The following SMYD4 variants were observed in gnomAD, a reference collection of about 807,000 sequenced individuals.
SMYD4 encodes the protein SET and MYND domain containing 4.
A neutral mutation model predicts 72.8 loss-of-function variants in SMYD4; 68 were observed. That is an observed-to-expected ratio of 0.93 (90% CI 0.77 to 1.14). The LOEUF is 1.14. SMYD4 is among the 50% of genes most tolerant of loss of function. The pLI is 0.00. For synonymous variants in SMYD4, 407 were observed against 388.6 expected, an observed-to-expected ratio of 1.05 and a Z score of -0.56; for missense variants, 984 against 1,003.7, an observed-to-expected ratio of 0.98 and a Z score of 0.27.
chr17:1,815,570 A>T (rs1910548025), intron 2 of SMYD4, among the ~76,000 whole-genome samples: 1 of 143,362 alleles, frequency 7.0e-6, no homozygotes, highest in Admixed American at 7.2e-5. Flanking sequence ...AGGTGGGAGG[A>T]TCGCTTGAGC....
intron 7 of SMYD4, among the ~76,000 whole-genome samples, chr17:1,786,486 T>C (rs1908696710): frequency 6.6e-6 from 1 of 152,212 alleles, no homozygotes; most frequent in Non-Finnish European, 1.5e-5. Context: ...AGTGCTGGGA[T>C]AATAGGCATG....
intron 5 of SMYD4, among the ~76,000 whole-genome samples, chr17:1,796,912 T>C (rs932369457): frequency 6.6e-6 from 1 of 152,180 alleles, no homozygotes; most frequent in African/African-American, 2.4e-5. Context: ...TCAGCAGCTA[T>C]ATTTTAGATG....
chr17:1,781,525 G>GT (rs1908363641), intron 10 of SMYD4, 86 bp from the exon 11 acceptor site: 2 of 1,444,010 alleles, frequency 1.4e-6, no homozygotes, highest in Non-Finnish European at 1.9e-6. Flanking sequence ...CGTGAAGAAT[G>GT]TAAGATCATT....
chr17:1,823,393 C>CAAAAAA (rs57044082), intron 2 of SMYD4, among the ~76,000 whole-genome samples: 3 of 65,586 alleles, frequency 4.6e-5, no homozygotes, highest in African/African-American at 6.1e-5. Context: ...GACTCCGTCT[C>CAAAAAA]AAAAAAAAAA....
rs768522908 is a variant in SMYD4, at chr17:1,827,887, G to A, written c.108C>T (p.Ile36=). ...TISTAETLRD[I]FLHSSSLLQP... is the part of the protein sequence containing the mutation. ...GAAGAAGTGAAGAGGAGTGAAGAAA[G>A]ATATCCCTCAAGGTCTCTGCTGTAG... The change falls in exon 2 of 11, where the codon ATC becomes ATT. Residue 36 remains isoleucine (I), a synonymous_variant. Coordinates refer to ENST00000305513, the MANE Select transcript of SMYD4 (RefSeq NM_052928.3). 6.2e-7 allele frequency: 1 copy of A among 1,609,340 alleles called. No homozygotes were observed. Among genetic ancestry groups the A allele is most frequent in the East Asian group, 2.2e-5 (1 of 44,710 alleles).
intron 4 of SMYD4, among the ~76,000 whole-genome samples, chr17:1,803,298 C>T (rs912086872): frequency 2.6e-5 from 4 of 152,314 alleles, no homozygotes; most frequent in South Asian, 2.1e-4. Flanking sequence ...TTTGCACTCA[C>T]GACACTTAAG....
At position 1,800,018 on chromosome 17, in the gene SMYD4, A is replaced by G; in HGVS notation, c.1376T>C (p.Leu459Ser). The G allele has an allele frequency of 6.2e-7, 1 of 1,614,180 alleles. No individual in the cohort carries two copies. The highest frequency in any genetic ancestry group is 8.5e-7 in the Non-Finnish European group (1 of 1,180,030). The change falls in exon 5 of 11, where the codon TTA becomes TCA. Residue 459 changes from leucine to serine, a missense_variant. Leu to Ser is a moderately radical substitution (Grantham distance 145). Transcript: ENST00000305513. The part of the protein sequence containing the change: ...ALCRQLEAAS[L>S]QAIPTERIVN... ...AATCCTCTCAGTTGGGATGGCCTGT[A>G]AACTGGCTGCTTCTAGCTGTCTGCA...
intron 2 of SMYD4, among the ~76,000 whole-genome samples, chr17:1,821,460 G>A (rs1247329638): frequency 1.3e-5 from 2 of 152,094 alleles, no homozygotes; most frequent in African/African-American, 4.8e-5. Context: ...GCTGCTGTGA[G>A]CCAAGACGGC....
chr17:1,782,848 G>A, intron 10 of SMYD4, 187 bp downstream of exon 10: 1 of 825,314 alleles, frequency 1.2e-6, no homozygotes, highest in Non-Finnish European at 1.7e-6. Context: ...CTCACTGCAA[G>A]CTCCGCCTCC....
In SMYD4 at chr17:1,800,265, TG is replaced by T; in HGVS notation, c.1128del (p.Asn376LysfsTer20). The T allele has an allele frequency of 1.2e-6, 2 of 1,614,194 alleles. No individual in the cohort carries two copies. Among genetic ancestry groups the T allele is most frequent in the Non-Finnish European group, 1.7e-6 (2 of 1,180,040 alleles). On this transcript the variant is annotated frameshift_variant, in exon 5 of 11. Transcript: ENST00000305513. LOFTEE classifies it high-confidence loss of function. ...IITKLCDKIS[N>X]KDICLPESNN... The stretch of plus-strand genomic sequence containing the variant: ...TTGCTTTCAGGTAAACAGATGTCCT[TG>T]TTACTAATCTTATCACAAAGCTTCG...
At chr17:1,783,619 G>C (rs1282881101) in intron 8 of SMYD4, 143 bp from the exon 9 acceptor site, 1 of 1,381,166 alleles carries the variant, frequency 7.2e-7, no homozygotes, top group African/African-American at 1.5e-5. Flanking sequence ...AACGCACAAT[G>C]TCTGTTCCAA....
rs372461281 is a variant in SMYD4 at position 1,781,279 on chromosome 17, T to A, written c.*7A>T. 6.2e-7 allele frequency: 1 copy of A among 1,611,064 alleles called. No homozygotes were observed. The highest frequency in any genetic ancestry group is 8.5e-7 in the Non-Finnish European group (1 of 1,179,512). ...CCTTTTCTGTGGGTCAAAATCCTCC[T>A]GGAACCCTACAATGCAGGCCCTACA... On this transcript the variant is annotated 3_prime_UTR_variant, in exon 11 of 11. Coordinates refer to ENST00000305513, the MANE Select transcript of SMYD4 (RefSeq NM_052928.3).
At chr17:1,793,603 G>C (rs1909176828) in intron 5 of SMYD4, among the ~76,000 whole-genome samples, 2 of 151,998 alleles carry the variant, frequency 1.3e-5, no homozygotes, top group Admixed American at 6.6e-5. Context: ...AAGTTACAGA[G>C]CTAGCCCAGA....
Position 1,823,601 on chromosome 17 carries a change from G to A in SMYD4, c.134+4260C>T, listed in dbSNP as rs141395622. 2.5e-3 allele frequency among the ~76,000 whole-genome samples: 381 copies of A among 152,162 alleles called. 1 individual carries two copies. Among genetic ancestry groups the A allele is most frequent in the Middle Eastern group, 0.01 (3 of 294 alleles). On this transcript the variant is annotated intron_variant, in intron 2 of 10. Coordinates refer to ENST00000305513, the MANE Select transcript of SMYD4 (RefSeq NM_052928.3). ...TCAAGTACCCTTTCTCTCTACTTCCGGTAAATCTCAGTGGGGAATCCATTT... is the reference window on the plus strand; with the variant it reads ...TCAAGTACCCTTTCTCTCTACTTCCAGTAAATCTCAGTGGGGAATCCATTT...
intron 3 of SMYD4, among the ~76,000 whole-genome samples, chr17:1,805,061 G>C (rs1444841325): frequency 6.6e-6 from 1 of 152,132 alleles, no homozygotes; most frequent in Non-Finnish European, 1.5e-5. Flanking sequence ...AACACAAATA[G>C]TTATAGAAAA....
intron 3 of SMYD4, among the ~76,000 whole-genome samples, chr17:1,807,592 A>G (rs1170462315): frequency 6.6e-6 from 1 of 151,616 alleles, no homozygotes; most frequent in African/African-American, 2.4e-5. Flanking sequence ...TCAACTTCCA[A>G]CCTCAGGTGA....
chr17:1,790,376 A>T (rs1480655446), intron 5 of SMYD4, among the ~76,000 whole-genome samples: 4 of 152,204 alleles, frequency 2.6e-5, no homozygotes, highest in Non-Finnish European at 5.9e-5. Flanking sequence ...TGCATTAATC[A>T]TCTATTAGTA....
rs200103754 is a variant in SMYD4, at chr17:1,784,446, G to A, written c.1900C>T (p.Arg634Cys). The A allele has an allele frequency of 1.2e-5, 19 of 1,614,008 alleles. No individual in the cohort carries two copies. The highest frequency in any genetic ancestry group is 6.7e-5 in the African/African-American group (5 of 74,922). ...TCTGCACAAGATCTGCTGCCACAGC[G>A]CAGCACGTCATCTCCCTGTGGAAGT... ...GAPMQGDDVLRCGSRSCAESA... is the reference protein window; with the variant it reads ...GAPMQGDDVLCCGSRSCAESA... Residue 634 changes from arginine (R) to cysteine (C), a missense_variant, in exon 8 of 11, where the codon CGC (arginine) becomes TGC (cysteine). Transcript: ENST00000305513.
intron 5 of SMYD4, among the ~76,000 whole-genome samples, chr17:1,796,269 G>T: frequency 6.7e-6 from 1 of 148,236 alleles, no homozygotes; most frequent in African/African-American, 2.5e-5. Flanking sequence ...AAGTAGCTGG[G>T]ACCACAGGCA....
Sources: gnomAD v4.1 joint callset for allele counts (sites outside exome capture counted in the v4.1 genomes callset) on GRCh38, gnomAD v4.1.1 for gene constraint, MANE v1.5 for transcripts, NCBI Gene and HGNC (gene_info 2026-07-23, HGNC 2026-07-21) for gene names.